The following CNTNAP3 variants were observed in gnomAD, a reference collection of about 807,000 sequenced individuals.
CNTNAP3 encodes contactin associated protein family member 3.
Under a neutral mutation model 92.1 loss-of-function variants are expected in CNTNAP3, and 36 were observed. That is an observed-to-expected ratio of 0.39 (90% CI 0.30 to 0.52). The LOEUF (loss-of-function observed/expected upper bound fraction) is 0.52. CNTNAP3 is among the 20% of genes least tolerant of loss of function. The pLI is 0.76. For missense variants in CNTNAP3, 534 were observed against 1,069.6 expected (o/e 0.50, Z 6.98); for synonymous variants, 232 against 422.3 (o/e 0.55, Z 5.53).
intron 12 of CNTNAP3, among the ~76,000 whole-genome samples, chr9:39,134,672 C>T (rs1821385588): frequency 6.6e-6 from 1 of 152,222 alleles, no homozygotes; most frequent in Non-Finnish European, 1.5e-5. Flanking sequence ...AGGTGATCCA[C>T]CCACCTTGGC....
chr9:39,083,181 A>G (rs1825985454), intron 21 of CNTNAP3, among the ~76,000 whole-genome samples: 1 of 152,040 alleles, frequency 6.6e-6, no homozygotes, highest in East Asian at 1.9e-4. Flanking sequence ...TCTATTTGAA[A>G]TATAGTCCTT....
At chr9:39,122,075 C>A (rs1378106436) in intron 13 of CNTNAP3, among the ~76,000 whole-genome samples, 2 of 152,150 alleles carry the variant, frequency 1.3e-5, no homozygotes, top group Admixed American at 6.6e-5. Flanking sequence ...ATGCTTCTGG[C>A]CGGGCGCGGT....
chr9:39,074,958 C>T (rs1450883235), intron 23 of CNTNAP3, among the ~76,000 whole-genome samples: 17 of 152,172 alleles, frequency 1.1e-4, no homozygotes, highest in African/African-American at 2.9e-4. Context: ...TTAGTAGAGA[C>T]GGGGTTTCAC....
chr9:39,140,672 A>T (rs748561577), intron 11 of CNTNAP3, 34 bp from the exon 12 acceptor site: 14 of 1,559,146 alleles, frequency 9.0e-6, no homozygotes, highest in Non-Finnish European at 1.2e-5. Flanking sequence ...GAACCAGAAA[A>T]AATATCTCCA....
At position 39,066,807 on chromosome 9, in the gene CNTNAP3, C is replaced by A. The variant is rs1825518602; in HGVS notation, c.*7083G>T. 2.6e-5 allele frequency among the ~76,000 whole-genome samples: 4 copies of A among 152,294 alleles called. No individual in the cohort carries two copies. The highest frequency in any genetic ancestry group is 5.9e-5 in the Non-Finnish European group (4 of 68,054). The stretch of plus-strand genomic sequence containing the variant: ...CTCTTTACCACACTGAGTTTTGATC[C>A]ATTTGCTTATGATGTGTTGTGATGT... On this transcript the variant is annotated 3_prime_UTR_variant, in exon 24 of 24. Coordinates refer to ENST00000297668, the MANE Select transcript of CNTNAP3 (RefSeq NM_033655.5).
rs959144360 is a variant in CNTNAP3, at chr9:39,184,059, C to T, written c.539-5699G>A. 2.1e-5 allele frequency among the ~76,000 whole-genome samples: 3 copies of T among 145,664 alleles called. 1 individual carries two copies. The highest frequency in any genetic ancestry group is 5.5e-5 in the African/African-American group (2 of 36,474). ...TGTCTGCGTTCCTTCTTAAGTGTAA[C>T]GTTTTTGAAATACACGCATGCTGTT... On this transcript the variant is annotated intron_variant, in intron 4 of 23. Coordinates refer to ENST00000297668, the MANE Select transcript of CNTNAP3 (RefSeq NM_033655.5).
At chr9:39,098,856 C>A (rs1826386487) in intron 18 of CNTNAP3, among the ~76,000 whole-genome samples, 2 of 152,064 alleles carry the variant, frequency 1.3e-5, no homozygotes, top group Non-Finnish European at 2.9e-5. Context: ...CTTAAAAACA[C>A]AACTACATTT....
intron 16 of CNTNAP3, 151 bp from the exon 17 acceptor site, chr9:39,102,866 A>T (rs1826497591): frequency 2.0e-6 from 2 of 990,272 alleles, no homozygotes; most frequent in Non-Finnish European, 3.1e-6. Context: ...GTGGGGGCAG[A>T]ATAAATCTGT....
chr9:39,131,635 G>A (rs1821295986), intron 13 of CNTNAP3, among the ~76,000 whole-genome samples: 1 of 152,112 alleles, frequency 6.6e-6, no homozygotes, highest in African/African-American at 2.4e-5. Context: ...AGAACAGCCT[G>A]ACCAACACGG....
intron 13 of CNTNAP3, among the ~76,000 whole-genome samples, chr9:39,119,016 T>C (rs1181665789): frequency 1.3e-5 from 2 of 152,032 alleles, no homozygotes; most frequent in Non-Finnish European, 2.9e-5. Flanking sequence ...ATTGGGGTGA[T>C]GGACTGACTG....
At chr9:39,117,195 T>G (rs989300085) in intron 14 of CNTNAP3, among the ~76,000 whole-genome samples, 2 of 152,094 alleles carry the variant, frequency 1.3e-5, no homozygotes, top group East Asian at 1.9e-4. Context: ...TTTTGCCACA[T>G]TGGCCAGGCT....
chr9:39,156,007 AAATTTG>A, intron 9 of CNTNAP3, among the ~76,000 whole-genome samples: 1 of 127,796 alleles, frequency 7.8e-6, no homozygotes, highest in Non-Finnish European at 1.6e-5. Context: ...CCCAAGAAGT[AAATTTG>A]CTTAGAAAAC....
rs1172996699 is a variant in CNTNAP3 at position 39,280,188 on chromosome 9, A to G, written c.85+7792T>C. 1.3e-4 allele frequency among the ~76,000 whole-genome samples: 12 copies of G among 95,830 alleles called. 1 individual carries two copies. The highest frequency in any genetic ancestry group is 3.9e-4 in the African/African-American group (12 of 30,934). 62.9% of individuals were successfully genotyped at this position (95,830 alleles called of 152,430 possible). The stretch of plus-strand genomic sequence containing the variant: ...TCTACCGGCTTCCTGAGAGCTTCCC[A>G]GGGAGTTCATGCCCCAGTTGCTCAC... On this transcript the variant is annotated intron_variant, in intron 1 of 23. Coordinates refer to ENST00000297668, the MANE Select transcript of CNTNAP3 (RefSeq NM_033655.5).
intron 12 of CNTNAP3, among the ~76,000 whole-genome samples, chr9:39,134,839 T>C: frequency 6.6e-6 from 1 of 152,224 alleles, no homozygotes; most frequent in East Asian, 1.9e-4. Flanking sequence ...GAACACTAAG[T>C]TGGGCATTGA....
intron 23 of CNTNAP3, among the ~76,000 whole-genome samples, chr9:39,076,861 G>C: frequency 6.6e-6 from 1 of 152,282 alleles, no homozygotes; most frequent in Non-Finnish European, 1.5e-5. Flanking sequence ...CCAGCTACTT[G>C]GGCTGCTGAG....
rs1822699806 is a variant in CNTNAP3 at position 39,226,930 on chromosome 9, GTATAT to G, written c.390+12058_390+12062del. Among the ~76,000 whole-genome samples, 2 of 7,862 alleles carry G rather than the reference GTATAT, an allele frequency of 2.5e-4. 1 individual carries two copies. Among genetic ancestry groups the G allele is most frequent in the African/African-American group, 2.7e-4 (2 of 7,288 alleles). The allele number at this position is 7,862 out of a possible 152,430, so 5.2% of individuals were successfully genotyped here. ...CTGCATAGTATTCCATGGTGTGTAT[GTATAT>G]GTGTGTATATATATATACCATATTT... is the stretch of plus-strand genomic sequence containing the variant. On this transcript the variant is annotated intron_variant, in intron 3 of 23. Transcript: ENST00000297668.
rs1419726691 is a variant in CNTNAP3 at position 39,088,493 on chromosome 9, T to C, written c.3150A>G (p.Arg1050=). The C allele has an allele frequency of 6.3e-7, 1 of 1,597,268 alleles. No homozygotes were observed. The highest frequency in any genetic ancestry group is 1.1e-5 in the South Asian group (1 of 90,990). ...TCACATACAGCAATAAGCTCGGAGT[T>C]CGTGTGGTTCGGAAGCTCAGTGTGA... is the stretch of plus-strand genomic sequence containing the variant. The part of the protein sequence containing the change: ...EMITLSFRTT[R]TPSLLLYVSS... Residue 1050 remains arginine, a synonymous_variant, in exon 19 of 24, where the codon CGA becomes CGG. Transcript: ENST00000297668.
intron 14 of CNTNAP3, among the ~76,000 whole-genome samples, chr9:39,113,063 T>G (rs1444682034): frequency 6.6e-6 from 1 of 152,152 alleles, no homozygotes; most frequent in Non-Finnish European, 1.5e-5. Flanking sequence ...GGCTAATTTT[T>G]TTTTGTTATG....
intron 12 of CNTNAP3, among the ~76,000 whole-genome samples, chr9:39,135,909 T>G (rs1476149784): frequency 6.6e-6 from 1 of 151,188 alleles, no homozygotes; most frequent in African/African-American, 2.4e-5. Context: ...GCAGGCAGAT[T>G]ACGAGGTCAG....
Sources: allele counts gnomAD v4.1 joint callset (sites outside exome capture counted in the v4.1 genomes callset), GRCh38; gene constraint gnomAD v4.1.1; transcripts MANE v1.5; gene names NCBI Gene and HGNC (gene_info 2026-07-23, HGNC 2026-07-21).